FRY: variants seen among roughly 807,000 people sequenced by gnomAD.
The protein encoded by FRY is FRY microtubule binding protein.
A neutral mutation model predicts 348.4 loss-of-function variants in FRY; 128 were observed. The observed-to-expected ratio is 0.37, with a 90% CI of 0.32 to 0.43. The LOEUF is 0.43. FRY is among the 20% of genes least tolerant of loss of function. The pLI, the probability that FRY is intolerant of heterozygous loss-of-function variation, is 1.00. For synonymous variants in FRY, 1,370 were observed against 1,374.7 expected (o/e 1.00, Z 0.08); for missense variants, 2,736 against 3,695.2 (o/e 0.74, Z 6.73).
At chr13:32,271,018 A>C (rs57664702) in intron 55 of FRY, among the ~76,000 whole-genome samples, 3,997 of 152,286 alleles carry the variant, frequency 0.026, 195 homozygotes, top group African/African-American at 0.09. Flanking sequence ...TGCGGCCACC[A>C]TTCAGCCTGA....
chr13:32,089,768 AGAAAAAAAG>A (rs1243025446), intron 2 of FRY, among the ~76,000 whole-genome samples: 2 of 139,710 alleles, frequency 1.4e-5, no homozygotes, highest in Non-Finnish European at 3.0e-5. Flanking sequence ...CTCCAAAAAA[AGAAAAAAAG>A]AAGAAGGAAT....
chr13:32,107,962 G>C (rs76240563), intron 3 of FRY, among the ~76,000 whole-genome samples: 10 of 152,176 alleles, frequency 6.6e-5, no homozygotes, highest in Admixed American at 6.5e-4. Flanking sequence ...AGGGCTTAGC[G>C]AGTAAAAGGA....
chr13:32,081,230 A>T (rs1875469949), intron 2 of FRY, among the ~76,000 whole-genome samples: 1 of 152,230 alleles, frequency 6.6e-6, no homozygotes. Context: ...AATCTTCCTT[A>T]TGTGCTTAGA....
intron 1 of FRY, among the ~76,000 whole-genome samples, chr13:32,068,405 G>A (rs1047249227): frequency 6.6e-6 from 1 of 152,198 alleles, no homozygotes; most frequent in African/African-American, 2.4e-5. Context: ...TCCTTTTGGT[G>A]AGAAAGGACC....
intron 2 of FRY, among the ~76,000 whole-genome samples, chr13:32,088,890 G>A (rs879786121): frequency 7.2e-5 from 11 of 151,928 alleles, no homozygotes; most frequent in African/African-American, 1.7e-4. Flanking sequence ...TCCTCATTTC[G>A]GTCTAGTTTT....
At chr13:32,204,580 G>GT (rs1230399037) in intron 31 of FRY, among the ~76,000 whole-genome samples, 2 of 152,114 alleles carry the variant, frequency 1.3e-5, no homozygotes, top group Non-Finnish European at 2.9e-5. Context: ...CTTTGCTTCT[G>GT]TACATGCTGT....
At chr13:32,274,796 T>C (rs1385224447) in intron 55 of FRY, 46 bp from the exon 56 acceptor site, 5 of 1,482,012 alleles carry the variant, frequency 3.4e-6, no homozygotes, top group Middle Eastern at 3.5e-4. Flanking sequence ...TTATCATATA[T>C]AAGTTTAACT....
At chr13:32,069,671 G>C (rs535316577) in intron 1 of FRY, among the ~76,000 whole-genome samples, 3 of 152,330 alleles carry the variant, frequency 2.0e-5, no homozygotes, top group African/African-American at 7.2e-5. Flanking sequence ...ATTATGCTAA[G>C]TGAAGTAAAC....
chr13:32,278,047 C>T (rs176177), intron 57 of FRY, among the ~76,000 whole-genome samples: 33,384 of 152,090 alleles, frequency 0.22, 4,306 homozygotes, highest in Middle Eastern at 0.32. Context: ...ATGCAGCCAC[C>T]GCAGCATGAC....
intron 58 of FRY, among the ~76,000 whole-genome samples, chr13:32,286,669 C>A (rs1193924721): frequency 7.2e-6 from 1 of 138,254 alleles, no homozygotes; most frequent in Non-Finnish European, 1.5e-5. Flanking sequence ...ATGGTGTGAA[C>A]CCGGGAGGTG....
At position 32,231,446 on chromosome 13, in the gene FRY, T is replaced by C. The variant is rs1593775761; in HGVS notation, c.5527+146T>C. 6.3e-6 allele frequency: 5 copies of C among 795,096 alleles called. No homozygotes were observed. The East Asian group carries it at 9.9e-5, about 16-fold the overall frequency. The allele number at this position is 795,096 out of a possible 1,614,324, so 49.3% of individuals were successfully genotyped here. On this transcript the variant is annotated intron_variant, in intron 41 of 60. Transcript: ENST00000542859. The stretch of plus-strand genomic sequence containing the variant: ...ATTCACAGGGGAGTTCTGAAGCTTG[T>C]TCAGATGCTGCCTAACTGCATGGTA...
chr13:32,200,300 A>C (rs1179845932), intron 29 of FRY, among the ~76,000 whole-genome samples: 4 of 152,266 alleles, frequency 2.6e-5, no homozygotes, highest in African/African-American at 9.6e-5. Context: ...GTAATTATGT[A>C]GAATCAAAAA....
Position 32,157,388 on chromosome 13 carries a change from A to G in FRY, c.1767A>G (p.Glu589=). 6.2e-7 allele frequency: 1 copy of G among 1,613,622 alleles called. No homozygotes were observed. The highest frequency in any genetic ancestry group is 8.5e-7 in the Non-Finnish European group (1 of 1,179,656). ...CTAATGTACAGATGTTAAACAAAGA[A>G]CCGGAAGACATGATCACGTGAGTAC... ...MLTNVQMLNK[E]PEDMITGERK... is the part of the protein sequence containing the mutation. Residue 589 remains glutamate (E), a synonymous_variant, in exon 16 of 61, where the codon GAA becomes GAG. Coordinates refer to ENST00000542859, the MANE Select transcript of FRY (RefSeq NM_023037.3).
rs1879761161 is a variant in FRY, at chr13:32,136,951, C to T, written c.1158C>T (p.Asn386=). ...LFLNRWHIFL[N]NCLSNLKNKD... is the part of the protein sequence containing the mutation. ...TGAACAGGTGGCACATTTTCCTCAA[C>T]AACTGCTTGTCCAACCTTAAAGTTA... Residue 386 remains asparagine (N), a synonymous_variant, in exon 11 of 61, where the codon AAC becomes AAT. Transcript: ENST00000542859. 2 of 1,590,368 alleles carry T rather than the reference C, an allele frequency of 1.3e-6. No individual in the cohort carries two copies. Among genetic ancestry groups the T allele is most frequent in the South Asian group, 1.1e-5 (1 of 90,618 alleles).
chr13:32,212,245 C>A, intron 34 of FRY, 47 bp from the exon 35 acceptor site: 1 of 1,080,346 alleles, frequency 9.3e-7, no homozygotes, highest in Non-Finnish European at 1.4e-6. Flanking sequence ...CTTGACCCCT[C>A]AGCTTGCATC....
chr13:32,071,810 A>G (rs1030135900), intron 1 of FRY, among the ~76,000 whole-genome samples: 6 of 152,216 alleles, frequency 3.9e-5, no homozygotes, highest in African/African-American at 1.4e-4. Flanking sequence ...CTGCTATACA[A>G]TTGTATGTAT....
Position 32,212,319 on chromosome 13 carries a change from T to G in FRY, c.4619T>G (p.Val1540Gly). Residue 1540 changes from valine to glycine, a missense_variant, in exon 35 of 61, where the codon GTT becomes GGT. Val to Gly is a moderately radical substitution (Grantham distance 109). Around this residue, in one of 9 missense-constraint regions of FRY, gnomAD observed 794 missense variants for 977.0 expected, o/e 0.81. Transcript: ENST00000542859. ...ACCACCTCTAGCAGCAATACAGTGG[T>G]TGCTGGCCAGGAAAATTTCCCAGAT... ...SGTTSSSNTV[V>G]AGQENFPDAE... is the part of the protein sequence containing the mutation. 1.2e-6 allele frequency: 2 copies of G among 1,609,590 alleles called. No homozygotes were observed. The highest frequency in any genetic ancestry group is 1.7e-6 in the Non-Finnish European group (2 of 1,176,418).
intron 18 of FRY, 107 bp downstream of exon 18, chr13:32,171,377 T>C (rs1226807849): frequency 5.2e-6 from 5 of 956,450 alleles, no homozygotes; most frequent in Admixed American, 4.9e-5. Context: ...AGTGGCGCGA[T>C]CTTGACTCAC....
chr13:32,176,113 T>C (rs1453429221), intron 20 of FRY, among the ~76,000 whole-genome samples: 1 of 152,156 alleles, frequency 6.6e-6, no homozygotes, highest in Non-Finnish European at 1.5e-5. Context: ...CAGGGTCAAG[T>C]CTGGGCTCTC....
Sources: gnomAD v4.1 joint callset for allele counts (sites outside exome capture counted in the v4.1 genomes callset) on GRCh38, gnomAD v4.1.1 for gene constraint, gnomAD v4.1.1 regional missense constraint, MANE v1.5 for transcripts, NCBI Gene and HGNC (gene_info 2026-07-23, HGNC 2026-07-21) for gene names.